Variants in NRXN1 observed in about 807,000 individuals in gnomAD.
The protein encoded by NRXN1 is neurexin 1.
In NRXN1, 39 loss-of-function variants were observed where a neutral mutation model predicts 150.9. The ratio of observed to expected loss-of-function variants is 0.26; its 90% confidence interval spans 0.20 to 0.34. The LOEUF (loss-of-function observed/expected upper bound fraction) is 0.34. Among genes scored for constraint, NRXN1 ranks in the 10% least tolerant of loss-of-function variants. The pLI is 1.00. For missense variants in NRXN1, 1,815 were observed against 1,949.9 expected (o/e 0.93, Z 1.30); for synonymous variants, 924 against 757.0 (o/e 1.22, Z -3.62).
intron 5 of NRXN1, among the ~76,000 whole-genome samples, chr2:50,752,410 C>A (rs1026811819): frequency 6.6e-6 from 1 of 151,836 alleles, no homozygotes. Flanking sequence ...GATGTCTGGA[C>A]AACTGACATT....
At chr2:49,985,177 A>C (rs1680688992) in intron 21 of NRXN1, among the ~76,000 whole-genome samples, 2 of 152,172 alleles carry the variant, frequency 1.3e-5, no homozygotes, top group African/African-American at 4.8e-5. Context: ...CAATAAGATA[A>C]AATATAACAC....
At chr2:49,975,392 T>C (rs992088191) in intron 21 of NRXN1, among the ~76,000 whole-genome samples, 20 of 152,084 alleles carry the variant, frequency 1.3e-4, no homozygotes, top group Non-Finnish European at 5.9e-5. Flanking sequence ...AGAAAAAAAG[T>C]GTATTGGAAT....
intron 21 of NRXN1, among the ~76,000 whole-genome samples, chr2:49,952,823 A>G (rs1474672282): frequency 2.0e-5 from 3 of 152,114 alleles, no homozygotes; most frequent in Non-Finnish European, 4.4e-5. Context: ...TGAGATATTC[A>G]TCTTTGTTTC....
At chr2:50,157,346 T>A (rs192510057) in intron 18 of NRXN1, among the ~76,000 whole-genome samples, 2 of 152,074 alleles carry the variant, frequency 1.3e-5, no homozygotes, top group African/African-American at 4.8e-5. Context: ...CAGAAAGTTA[T>A]ATATGTAAAG....
intron 5 of NRXN1, among the ~76,000 whole-genome samples, chr2:50,724,513 C>T (rs1182771550): frequency 2.0e-5 from 3 of 151,954 alleles, no homozygotes; most frequent in African/African-American, 2.4e-5. Context: ...AATTAAACTA[C>T]CTGATGCATA....
At chr2:50,695,835 A>G (rs1424497347) in intron 5 of NRXN1, among the ~76,000 whole-genome samples, 1 of 135,424 alleles carries the variant, frequency 7.4e-6, no homozygotes, top group Non-Finnish European at 1.5e-5. Context: ...AACCAGAGTG[A>G]CTCTGATTTT....
intron 17 of NRXN1, among the ~76,000 whole-genome samples, chr2:50,298,874 C>T (rs1249463161): frequency 6.6e-6 from 1 of 152,116 alleles, no homozygotes; most frequent in Non-Finnish European, 1.5e-5. Flanking sequence ...AACCTCAAGT[C>T]ACTCAAACTC....
intron 5 of NRXN1, among the ~76,000 whole-genome samples, chr2:50,718,054 A>G (rs1310117022): frequency 6.6e-6 from 1 of 152,160 alleles, no homozygotes; most frequent in Non-Finnish European, 1.5e-5. Context: ...GACAGAAGCT[A>G]GGGTAATATT....
At chr2:50,933,788 T>C (rs1688123870) in intron 2 of NRXN1, among the ~76,000 whole-genome samples, 1 of 152,098 alleles carries the variant, frequency 6.6e-6, no homozygotes, top group Non-Finnish European at 1.5e-5. Flanking sequence ...GAAATGGGCA[T>C]TCACTACTTA....
At chr2:50,381,615 T>C (rs2103675042) in intron 17 of NRXN1, among the ~76,000 whole-genome samples, 1 of 149,780 alleles carries the variant, frequency 6.7e-6, no homozygotes, top group Admixed American at 6.7e-5. Context: ...TGATATAGAA[T>C]GGCATCCAAG....
At chr2:49,940,198 A>G (rs1453390943) in intron 22 of NRXN1, among the ~76,000 whole-genome samples, 1 of 152,164 alleles carries the variant, frequency 6.6e-6, no homozygotes, top group Non-Finnish European at 1.5e-5. Context: ...CTATAAAGGT[A>G]ATGGTGCATC....
chr2:50,152,888 T>C (rs2058776732), intron 18 of NRXN1, among the ~76,000 whole-genome samples: 1 of 151,840 alleles, frequency 6.6e-6, no homozygotes. Context: ...TTTTCAGGTA[T>C]TATTTTTTTC....
intron 14 of NRXN1, among the ~76,000 whole-genome samples, 160 bp downstream of exon 14, chr2:50,497,173 C>A (rs2091682976): frequency 6.6e-6 from 1 of 152,118 alleles, no homozygotes; most frequent in Admixed American, 6.6e-5. Flanking sequence ...ATTTAAGATA[C>A]CTAAGAGATG....
chr2:49,920,124 GCAAAA>G lies in NRXN1; in HGVS notation c.*1815_*1819del, dbSNP rs909604957. On this transcript the variant is annotated 3_prime_UTR_variant, in exon 23 of 23. Coordinates refer to ENST00000401669, the MANE Select transcript of NRXN1 (RefSeq NM_001330078.2). Reference sequence around the variant, plus strand: ...TGCTGTGAACATCATTGAATAATATGCAAAACAAGTGTATAATCTATACTTTTCCA... The same window carrying G: ...TGCTGTGAACATCATTGAATAATATGCAAGTGTATAATCTATACTTTTCCA... 6.6e-6 allele frequency: 1 copy of G among 152,002 alleles called. No homozygotes were observed. The allele number at this position is 152,002 out of a possible 1,614,324, so 9.4% of individuals were successfully genotyped here. A position where few individuals can be genotyped will look rare whatever the true frequency, so the allele number is the denominator to read the frequency against.
At chr2:49,999,347 C>T (rs1683524591) in intron 21 of NRXN1, among the ~76,000 whole-genome samples, 1 of 152,070 alleles carries the variant, frequency 6.6e-6, no homozygotes, top group Non-Finnish European at 1.5e-5. Flanking sequence ...AACATATTTC[C>T]CTTCTCTATA....
chr2:50,199,999 T>C (rs1227047427), intron 18 of NRXN1, among the ~76,000 whole-genome samples: 1 of 152,170 alleles, frequency 6.6e-6, no homozygotes, highest in Admixed American at 6.5e-5. Flanking sequence ...CAATGAGAGA[T>C]TAGATGACAG....
intron 8 of NRXN1, among the ~76,000 whole-genome samples, chr2:50,557,509 T>C (rs1157853273): frequency 1.3e-5 from 2 of 152,286 alleles, no homozygotes; most frequent in Non-Finnish European, 2.9e-5. Context: ...AAGTCAGATT[T>C]CAGAGAGAAT....
At chr2:50,228,457 G>A (rs1184817629) in intron 18 of NRXN1, among the ~76,000 whole-genome samples, 2 of 150,774 alleles carry the variant, frequency 1.3e-5, no homozygotes, top group African/African-American at 2.4e-5. Context: ...GTGGGTGATT[G>A]GGAGATGATG....
intron 2 of NRXN1, among the ~76,000 whole-genome samples, chr2:50,969,148 T>C (rs774145249): frequency 3.3e-5 from 5 of 152,118 alleles, no homozygotes; most frequent in Non-Finnish European, 4.4e-5. Flanking sequence ...TCCTCAGAGA[T>C]ACCTTGCCGG....
Sources: gnomAD v4.1 joint callset for allele counts (sites outside exome capture counted in the v4.1 genomes callset) on GRCh38, gnomAD v4.1.1 for gene constraint, MANE v1.5 for transcripts, NCBI Gene and HGNC (gene_info 2026-07-23, HGNC 2026-07-21) for gene names.